Variants in PBX3 observed in about 807,000 individuals in gnomAD.
The protein encoded by PBX3 is pre-B-cell leukemia transcription factor 3.
A neutral mutation model predicts 48.5 loss-of-function variants in PBX3; 14 were observed. The ratio of observed to expected loss-of-function variants is 0.29; its 90% CI spans 0.19 to 0.45. The LOEUF is 0.45. Ranked by LOEUF, PBX3 falls within the 20% of genes least tolerant of loss-of-function variation. The pLI is 1.00. For missense variants in PBX3, 386 were observed against 546.7 expected (o/e 0.71, Z 2.93); for synonymous variants, 210 against 200.3 (o/e 1.05, Z -0.41).
At chr9:125,906,499 G>GAAGAT (rs1448243739) in intron 2 of PBX3, among the ~76,000 whole-genome samples, 1 of 151,972 alleles carries the variant, frequency 6.6e-6, no homozygotes, top group African/African-American at 2.4e-5. Context: ...AAAAGGGAAA[G>GAAGAT]AAGATGGCTA....
At chr9:125,798,220 G>C (rs1170744641) in intron 2 of PBX3, among the ~76,000 whole-genome samples, 1 of 152,132 alleles carries the variant, frequency 6.6e-6, no homozygotes, top group Non-Finnish European at 1.5e-5. Flanking sequence ...CAGACAGCTT[G>C]TTGTTAGAAA....
chr9:125,805,720 G>A (rs900597973), intron 2 of PBX3, among the ~76,000 whole-genome samples: 1 of 152,190 alleles, frequency 6.6e-6, no homozygotes, highest in African/African-American at 2.4e-5. Flanking sequence ...TTAAATGATG[G>A]TGCCTTTCCC....
Position 125,896,757 on chromosome 9 carries a change from T to C in PBX3, c.275-18929T>C, listed in dbSNP as rs1214799855. Among the ~76,000 whole-genome samples the C allele has an allele frequency of 2.6e-5, 4 of 151,992 alleles. No homozygotes were observed. The East Asian group carries it at 5.8e-4, about 22-fold the overall frequency. On this transcript the variant is annotated intron_variant, in intron 2 of 8. Transcript: ENST00000373489. ...TGACAAGTTCTTCAATCTGAACCCA[T>C]TGCTGTTGTGTCAGCAGAGAAGCAG...
chr9:125,900,554 G>C (rs1403342551), intron 2 of PBX3, among the ~76,000 whole-genome samples: 2 of 151,676 alleles, frequency 1.3e-5, no homozygotes, highest in African/African-American at 4.8e-5. Context: ...ATTGTATGTA[G>C]TGCAGATGAC....
At chr9:125,871,246 A>T (rs939081387) in intron 2 of PBX3, among the ~76,000 whole-genome samples, 1 of 152,010 alleles carries the variant, frequency 6.6e-6, no homozygotes, top group African/African-American at 2.4e-5. Context: ...AAAATACAAA[A>T]ATTAGCCAGG....
At chr9:125,760,750 A>T (rs1196620276) in intron 2 of PBX3, among the ~76,000 whole-genome samples, 1 of 152,186 alleles carries the variant, frequency 6.6e-6, no homozygotes, top group Non-Finnish European at 1.5e-5. Flanking sequence ...TTTTCTGTGC[A>T]TATAAGTACC....
chr9:125,960,378 G>A (rs1842400323), intron 5 of PBX3, among the ~76,000 whole-genome samples: 1 of 152,098 alleles, frequency 6.6e-6, no homozygotes, highest in Non-Finnish European at 1.5e-5. Flanking sequence ...CTGATTTTGG[G>A]GGCCTGACTA....
chr9:125,834,405 AT>A (rs1036206118), intron 2 of PBX3, among the ~76,000 whole-genome samples: 33 of 151,676 alleles, frequency 2.2e-4, no homozygotes, highest in African/African-American at 7.5e-4. Context: ...TGTTTTTTTT[AT>A]TTTTATTTTT....
intron 5 of PBX3, among the ~76,000 whole-genome samples, chr9:125,948,331 C>T (rs1842109705): frequency 6.6e-6 from 1 of 152,158 alleles, no homozygotes; most frequent in African/African-American, 2.4e-5. Flanking sequence ...TGAAAGTTGA[C>T]TATATTCTGG....
At chr9:125,892,762 G>C (rs1840679701) in intron 2 of PBX3, among the ~76,000 whole-genome samples, 2 of 152,114 alleles carry the variant, frequency 1.3e-5, no homozygotes, top group African/African-American at 4.8e-5. Context: ...TCATTATGCT[G>C]TGATGAAGTA....
intron 5 of PBX3, among the ~76,000 whole-genome samples, chr9:125,956,311 A>G (rs905793165): frequency 2.0e-5 from 3 of 152,270 alleles, no homozygotes; most frequent in Middle Eastern, 3.2e-3. Context: ...ATTATGTGAT[A>G]CTTCCCACAT....
At chr9:125,898,454 A>AAAT (rs200174130) in intron 2 of PBX3, among the ~76,000 whole-genome samples, 33 of 151,084 alleles carry the variant, frequency 2.2e-4, no homozygotes, top group African/African-American at 6.3e-4. Flanking sequence ...CTTCTGAAAA[A>AAAT]AAAAAATAAA....
intron 2 of PBX3, among the ~76,000 whole-genome samples, chr9:125,783,371 TCTGCCTCCTGGGTTCAAGTGATTCTC>T (rs1258408439): frequency 1.3e-5 from 2 of 152,162 alleles, no homozygotes; most frequent in African/African-American, 4.8e-5. Flanking sequence ...CACTGCAACC[TCTGCCTCCTGGGTTCAAGTGATTCTC>T]CTGCCTCCGC....
chr9:125,903,472 A>G (rs1334929606), intron 2 of PBX3, among the ~76,000 whole-genome samples: 5 of 151,854 alleles, frequency 3.3e-5, no homozygotes, highest in Non-Finnish European at 5.9e-5. Flanking sequence ...GAATTTTATT[A>G]CTTTAACTTT....
intron 2 of PBX3, among the ~76,000 whole-genome samples, chr9:125,855,980 A>T (rs551318303): frequency 6.6e-6 from 1 of 152,284 alleles, no homozygotes; most frequent in Non-Finnish European, 1.5e-5. Flanking sequence ...TTTTAAATAA[A>T]AAAATTTACA....
rs547817376 is a variant in PBX3, at chr9:125,883,976, A to G, written c.275-31710A>G. On this transcript the variant is annotated intron_variant, in intron 2 of 8. Transcript: ENST00000373489. ...CTGAAGCATCCCAGTGTGTTTATAC[A>G]TGGCTTGTATGGCAGCTTTCATAAG... Among the ~76,000 whole-genome samples the G allele has an allele frequency of 1.2e-4, 19 of 152,310 alleles. No individual in the cohort carries two copies. The South Asian group carries it at 3.7e-3, about 30-fold the overall frequency.
At chr9:125,849,008 TTTC>T (rs1839506026) in intron 2 of PBX3, among the ~76,000 whole-genome samples, 1 of 151,972 alleles carries the variant, frequency 6.6e-6, no homozygotes, top group African/African-American at 2.4e-5. Flanking sequence ...TGATATACCT[TTTC>T]TTATTTAACT....
intron 2 of PBX3, among the ~76,000 whole-genome samples, chr9:125,892,749 C>T (rs966828596): frequency 6.6e-6 from 1 of 152,128 alleles, no homozygotes; most frequent in African/African-American, 2.4e-5. Context: ...ACTTTTTAAT[C>T]TGTCATTATG....
chr9:125,937,214 G>T (rs1367658051), intron 5 of PBX3, among the ~76,000 whole-genome samples: 2 of 152,154 alleles, frequency 1.3e-5, no homozygotes, highest in East Asian at 3.8e-4. Context: ...ATTAGCTGTA[G>T]TACTTCACAC....
Sources: gnomAD v4.1 joint callset for allele counts (sites outside exome capture counted in the v4.1 genomes callset) on GRCh38, gnomAD v4.1.1 for gene constraint, MANE v1.5 for transcripts, NCBI Gene and HGNC (gene_info 2026-07-23, HGNC 2026-07-21) for gene names.